MR1: variants seen among roughly 807,000 people sequenced by gnomAD.
MR1 encodes major histocompatibility complex class I-related protein 1.
Under a neutral mutation model 37.8 loss-of-function variants are expected in MR1, and 44 were observed. That is an observed-to-expected ratio of 1.16 (90% CI 0.91 to 1.50). MR1 has a LOEUF of 1.50. Ranked by LOEUF, MR1 falls within the 40% of genes most tolerant of loss-of-function variation. MR1 has a pLI of 0.00. For missense variants in MR1, 386 were observed against 419.1 expected (o/e 0.92, Z 0.69); for synonymous variants, 153 against 155.8 (o/e 0.98, Z 0.13).
intron 1 of MR1, among the ~76,000 whole-genome samples, chr1:181,045,361 G>A (rs1428446691): frequency 6.6e-6 from 1 of 152,124 alleles, no homozygotes; most frequent in East Asian, 1.9e-4. Context: ...GATGGCATGG[G>A]GTACGTAGCC....
chr1:181,061,014 C>G lies in MR1; in HGVS notation c.*5749C>G, dbSNP rs763666627. ...GGCTTCAGGGGAATGCACCAAGGCT[C>G]TCATTGAGGCCACCTTCTCCAACAA... On this transcript the variant is annotated 3_prime_UTR_variant, in exon 6 of 6. Transcript: ENST00000367580. 1.3e-5 allele frequency: 2 copies of G among 152,368 alleles called. No individual in the cohort carries two copies. Among genetic ancestry groups the G allele is most frequent in the African/African-American group, 2.4e-5 (1 of 41,464 alleles). The allele number at this position is 152,368 out of a possible 1,614,324, so 9.4% of individuals were successfully genotyped here.
intron 1 of MR1, among the ~76,000 whole-genome samples, chr1:181,046,441 T>C (rs184869806): frequency 2.2e-4 from 34 of 152,222 alleles, no homozygotes; most frequent in Admixed American, 3.9e-4. Context: ...ATCGACACTC[T>C]GCATCTAGCT....
rs1658209162 is a variant in MR1, at chr1:181,050,040, T to C, written c.358T>C (p.Cys120Arg). Residue 120 changes from cysteine (C) to arginine (R), a missense_variant, in exon 3 of 6, where the codon TGT (cysteine) becomes CGT (arginine). Transcript: ENST00000367580. ...TCACACTTACCAGAGAATGATTGGC[T>C]GTGAGCTGCTGGAGGATGGAAGCAC... ...GSHTYQRMIG[C>R]ELLEDGSTTG... 1 of 1,613,042 alleles carries C rather than the reference T, an allele frequency of 6.2e-7. No individual in the cohort carries two copies. The highest frequency in any genetic ancestry group is 8.5e-7 in the Non-Finnish European group (1 of 1,180,032).
intron 2 of MR1, 120 bp downstream of exon 2, chr1:181,049,432 G>A: frequency 4.6e-6 from 6 of 1,296,716 alleles, no homozygotes; most frequent in Non-Finnish European, 6.3e-6. Flanking sequence ...CAAAGCCTGA[G>A]GAATCAGGTT....
upstream of MR1, chr1:181,033,879 T>C (rs1387591839): frequency 9.2e-6 from 6 of 649,894 alleles, no homozygotes; most frequent in African/African-American, 3.7e-5. Context: ...CTTTTTTTTT[T>C]AACCTAGCAA....
chr1:181,050,505 G>GT (rs1402347161), intron 3 of MR1: 9 of 571,576 alleles, frequency 1.6e-5, no homozygotes, highest in Non-Finnish European at 2.5e-5. Context: ...ACAGAGTGGA[G>GT]TACCTCCAAG....
At chr1:181,037,722 C>CTTTT in intron 1 of MR1, among the ~76,000 whole-genome samples, 1 of 152,144 alleles carries the variant, frequency 6.6e-6, no homozygotes, top group Non-Finnish European at 1.5e-5. Flanking sequence ...TATTAAGTCA[C>CTTTT]ATTTTGTTAT....
At chr1:181,051,117 C>T (rs1658294093) in intron 3 of MR1, 1 of 152,038 alleles carries the variant, frequency 6.6e-6, no homozygotes, top group Non-Finnish European at 1.5e-5. Flanking sequence ...AAATTAATCA[C>T]ACCTGTATGA....
At chr1:181,053,010 A>G in intron 4 of MR1, among the ~76,000 whole-genome samples, 1 of 152,166 alleles carries the variant, frequency 6.6e-6, no homozygotes, top group Admixed American at 6.5e-5. Context: ...GGTTGCAGTG[A>G]GCCGAGATCG....
At position 181,052,304 on chromosome 1, in the gene MR1, A is replaced by C. The variant is rs139730390; in HGVS notation, c.674A>C (p.His225Pro). 54 of 1,614,220 alleles carry C rather than the reference A, an allele frequency of 3.3e-5. No individual in the cohort carries two copies. The African/African-American group carries it at 6.0e-4, about 18-fold the overall frequency. ...GTTACAGCTCTCTTCTGCAAAGCTC[A>C]TGGCTTTTACCCCCCAGAAATTTAC... Reference protein sequence around the residue: ...PGVTALFCKAHGFYPPEIYMT... With the variant: ...PGVTALFCKAPGFYPPEIYMT... The change falls in exon 4 of 6, where the codon CAT becomes CCT. Residue 225 changes from histidine (H) to proline (P), a missense_variant. Physicochemically the swap from His to Pro is moderately conservative, Grantham distance 77 (BLOSUM62 -2). Transcript: ENST00000367580.
rs538849567 is a variant in MR1, at chr1:181,061,161, G to A, written c.*5896G>A. 1.1e-4 allele frequency: 16 copies of A among 152,374 alleles called. No homozygotes were observed. In the East Asian group the frequency reaches 2.9e-3, roughly 28 times the overall value. 9.4% of individuals were successfully genotyped at this position (152,374 alleles called of 1,614,324 possible). A position where few individuals can be genotyped will look rare whatever the true frequency, so the allele number is the denominator to read the frequency against. On this transcript the variant is annotated 3_prime_UTR_variant, in exon 6 of 6. Coordinates refer to ENST00000367580, the MANE Select transcript of MR1 (RefSeq NM_001385161.1). ...CCATAATGCCACTCAGCAAGCCTTG[G>A]TTGTAAATCTAGTTTGATTACATTT...
chr1:181,033,987 G>C lies in MR1; in HGVS notation c.-21G>C, dbSNP rs771172129. The C allele has an allele frequency of 6.2e-7, 1 of 1,601,038 alleles. No individual in the cohort carries two copies. The highest frequency in any genetic ancestry group is 1.1e-5 in the South Asian group (1 of 88,810). ...GGGACCTGTCAGTTTTTGGTTAAAAGAACCCGGAAAGAGAAGGACTATGGG... is the reference window on the plus strand; with the variant it reads ...GGGACCTGTCAGTTTTTGGTTAAAACAACCCGGAAAGAGAAGGACTATGGG... On this transcript the variant is annotated 5_prime_UTR_variant, in exon 1 of 6. Transcript: ENST00000367580.
chr1:181,035,021 CT>C (rs2102353928), intron 1 of MR1, among the ~76,000 whole-genome samples: 1 of 152,188 alleles, frequency 6.6e-6, no homozygotes, highest in South Asian at 2.1e-4. Flanking sequence ...AATCATATGG[CT>C]GGGAGTGGTG....
In MR1 at chr1:181,045,908, T is replaced by C. The variant is rs550018305; in HGVS notation, c.68-3144T>C. On this transcript the variant is annotated intron_variant, in intron 1 of 5. Coordinates refer to ENST00000367580, the MANE Select transcript of MR1 (RefSeq NM_001385161.1). ...CTGGAGTTCCAAGTGGGCGTGGGCT[T>C]GGCGGGCCCTGCACTGGGGGCAGCC... is the stretch of plus-strand genomic sequence containing the variant. 5.9e-5 allele frequency among the ~76,000 whole-genome samples: 9 copies of C among 152,284 alleles called. No individual in the cohort carries two copies. In the South Asian group the frequency reaches 1.9e-3, roughly 32 times the overall value.
chr1:181,047,104 T>G (rs918359722), intron 1 of MR1, among the ~76,000 whole-genome samples: 7 of 152,118 alleles, frequency 4.6e-5, no homozygotes, highest in African/African-American at 1.7e-4. Context: ...GAAACCACTT[T>G]GTCTCCGTCA....
intron 1 of MR1, among the ~76,000 whole-genome samples, chr1:181,035,712 A>G (rs1657235756): frequency 6.6e-6 from 1 of 152,128 alleles, no homozygotes; most frequent in African/African-American, 2.4e-5. Context: ...GATGAGGCCT[A>G]GATTTTTCTC....
chr1:181,056,530 A>G lies in MR1; in HGVS notation c.*1265A>G, dbSNP rs991660949. The G allele has an allele frequency of 6.6e-6, 1 of 152,082 alleles. No individual in the cohort carries two copies. The highest frequency in any genetic ancestry group is 2.4e-5 in the African/African-American group (1 of 41,396). The allele number at this position is 152,082 out of a possible 1,614,324, so 9.4% of individuals were successfully genotyped here. ...CTTCATACATATGCACTGGGAATCA[A>G]TAAAAGCCCATGGTGAGAATGAACA... On this transcript the variant is annotated 3_prime_UTR_variant, in exon 6 of 6. Coordinates refer to ENST00000367580, the MANE Select transcript of MR1 (RefSeq NM_001385161.1).
At chr1:181,039,575 C>T (rs1222814977) in intron 1 of MR1, among the ~76,000 whole-genome samples, 1 of 152,024 alleles carries the variant, frequency 6.6e-6, no homozygotes, top group Non-Finnish European at 1.5e-5. Flanking sequence ...TAAATAATTG[C>T]CCCCATGAGG....
At chr1:181,049,832 C>A in intron 2 of MR1, 179 bp from the exon 3 acceptor site, 1 of 651,226 alleles carries the variant, frequency 1.5e-6, no homozygotes, top group Non-Finnish European at 2.7e-6. Context: ...TCACAGATAC[C>A]TGCTGACAGG....
Sources: allele counts gnomAD v4.1 joint callset (sites outside exome capture counted in the v4.1 genomes callset), GRCh38; gene constraint gnomAD v4.1.1; transcripts MANE v1.5; gene names NCBI Gene and HGNC (gene_info 2026-07-23, HGNC 2026-07-21).